The following DYNC2H1 variants were observed in gnomAD, a reference collection of about 807,000 sequenced individuals.
DYNC2H1 encodes the protein cytoplasmic dynein 2 heavy chain 1.
In DYNC2H1, 410 loss-of-function variants were observed where a neutral mutation model predicts 570.0. The observed-to-expected ratio is 0.72, with a 90% CI of 0.66 to 0.78. The LOEUF is 0.78. Among genes scored for constraint, DYNC2H1 ranks in the 30% least tolerant of loss-of-function variants. The pLI is 0.00. For synonymous variants in DYNC2H1, 1,688 were observed against 1,677.6 expected, an observed-to-expected ratio of 1.01 and a Z score of -0.15; for missense variants, 4,865 against 5,046.4, an observed-to-expected ratio of 0.96 and a Z score of 1.09.
At chr11:103,295,293 A>G (rs1866773439) in intron 75 of DYNC2H1, among the ~76,000 whole-genome samples, 1 of 152,174 alleles carries the variant, frequency 6.6e-6, no homozygotes, top group South Asian at 2.1e-4. Context: ...TCTGTCTGGT[A>G]ATGAGGAGGA....
At chr11:103,193,860 A>G (rs963962815) in intron 47 of DYNC2H1, among the ~76,000 whole-genome samples, 14 of 152,078 alleles carry the variant, frequency 9.2e-5, no homozygotes, top group Admixed American at 7.9e-4. Flanking sequence ...TTTCTTTTTT[A>G]AAAATACAGT....
chr11:103,341,564 A>G (rs941707338), intron 82 of DYNC2H1, among the ~76,000 whole-genome samples: 1 of 152,138 alleles, frequency 6.6e-6, no homozygotes, highest in African/African-American at 2.4e-5. Flanking sequence ...TCTGGAATCT[A>G]TATTTTTTTA....
At chr11:103,361,203 G>A (rs1341852509) in intron 83 of DYNC2H1, among the ~76,000 whole-genome samples, 1 of 152,116 alleles carries the variant, frequency 6.6e-6, no homozygotes, top group Non-Finnish European at 1.5e-5. Flanking sequence ...TTGTAGATGG[G>A]GTCTTTGGGA....
intron 22 of DYNC2H1, 29 bp downstream of exon 22, chr11:103,153,537 CTTATT>C: frequency 6.6e-7 from 1 of 1,511,848 alleles, no homozygotes; most frequent in Non-Finnish European, 8.9e-7. Context: ...ATTGATAGTG[CTTATT>C]TTGAAAAAAC....
chr11:103,409,640 G>A (rs1453009946), intron 84 of DYNC2H1: 1 of 153,416 alleles, frequency 6.5e-6, no homozygotes, highest in Admixed American at 6.5e-5. Context: ...AAATTAATTA[G>A]AGGATCTGGT....
chr11:103,455,436 T>G (rs1385798450), intron 86 of DYNC2H1, 141 bp downstream of exon 86: 1 of 679,846 alleles, frequency 1.5e-6, no homozygotes, highest in Non-Finnish European at 2.5e-6. Context: ...TATTCTCTAC[T>G]TTAAATCATA....
At chr11:103,339,518 GT>G (rs1003208973) in intron 82 of DYNC2H1, among the ~76,000 whole-genome samples, 2 of 152,260 alleles carry the variant, frequency 1.3e-5, no homozygotes, top group Admixed American at 6.5e-5. Context: ...TGTTTTTTGG[GT>G]TTTTGGATTT....
Position 103,358,327 on chromosome 11 carries a change from C to T in DYNC2H1, c.12124C>T (p.Pro4042Ser), listed in dbSNP as rs1305733734. The change falls in exon 83 of 89, where the codon CCT becomes TCT. Residue 4042 changes from proline (P) to serine (S), a missense_variant. By Grantham distance (74) the Pro-to-Ser change is moderately conservative (BLOSUM62 -1). This residue lies in a region of DYNC2H1 where 2,401 missense variants were observed against 2,454.6 expected (regional missense o/e 0.98). Transcript: ENST00000375735. ...DREIWSNELS[P>S]VLNLWKKLNQ... ...AGAAATCTGGTCTAATGAACTTTCT[C>T]CTGTCCTCAATCTCTGGAAGAAACT... 1.0e-5 allele frequency: 16 copies of T among 1,583,426 alleles called. No individual in the cohort carries two copies. Among genetic ancestry groups the T allele is most frequent in the Non-Finnish European group, 1.2e-5 (14 of 1,163,070 alleles).
chr11:103,354,045 C>T (rs991231012), intron 82 of DYNC2H1, among the ~76,000 whole-genome samples: 4 of 151,514 alleles, frequency 2.6e-5, no homozygotes, highest in Admixed American at 6.6e-5. Context: ...GGCATGGTGG[C>T]GCATGACTGT....
At chr11:103,380,972 G>T (rs774289692) in intron 83 of DYNC2H1, among the ~76,000 whole-genome samples, 7 of 152,146 alleles carry the variant, frequency 4.6e-5, no homozygotes, top group Admixed American at 6.5e-5. Context: ...GTTGGAAAGG[G>T]GTTAATATCA....
intron 83 of DYNC2H1, among the ~76,000 whole-genome samples, chr11:103,387,984 G>C (rs552807834): frequency 6.6e-6 from 1 of 152,256 alleles, no homozygotes; most frequent in East Asian, 1.9e-4. Flanking sequence ...TGGCAATGCA[G>C]GCTCTTTTTT....
intron 82 of DYNC2H1, among the ~76,000 whole-genome samples, chr11:103,351,478 C>T (rs1225400638): frequency 6.6e-6 from 1 of 152,100 alleles, no homozygotes; most frequent in South Asian, 2.1e-4. Flanking sequence ...CATCATTTAT[C>T]GAAGGCTATT....
intron 82 of DYNC2H1, among the ~76,000 whole-genome samples, chr11:103,345,072 T>C (rs1036967381): frequency 2.0e-5 from 3 of 152,216 alleles, no homozygotes; most frequent in Non-Finnish European, 4.4e-5. Flanking sequence ...CAAAAACATA[T>C]TGTTTTGCTT....
intron 17 of DYNC2H1, among the ~76,000 whole-genome samples, chr11:103,139,234 G>A (rs1472438115): frequency 6.6e-6 from 1 of 151,834 alleles, no homozygotes; most frequent in East Asian, 1.9e-4. Flanking sequence ...TCAGATTTTA[G>A]TTATTTCTTG....
At chr11:103,422,994 G>A (rs1943539376) in intron 84 of DYNC2H1, among the ~76,000 whole-genome samples, 2 of 151,824 alleles carry the variant, frequency 1.3e-5, no homozygotes, top group Non-Finnish European at 2.9e-5. Context: ...TGTAAGTATT[G>A]GCAATTTGAG....
intron 40 of DYNC2H1, among the ~76,000 whole-genome samples, chr11:103,184,378 C>T (rs1861980344): frequency 6.6e-6 from 1 of 151,916 alleles, no homozygotes; most frequent in African/African-American, 2.4e-5. Flanking sequence ...AACTCTCTGG[C>T]ACTTACCAGG....
At chr11:103,424,687 G>GT (rs1943605383) in intron 84 of DYNC2H1, among the ~76,000 whole-genome samples, 1 of 114,522 alleles carries the variant, frequency 8.7e-6, no homozygotes, top group African/African-American at 3.9e-5. Context: ...GCTGGCAAAT[G>GT]TTTAAAAACT....
At chr11:103,451,416 T>C (rs12226343) in intron 85 of DYNC2H1, among the ~76,000 whole-genome samples, 22,961 of 134,464 alleles carry the variant, frequency 0.17, 1,956 homozygotes, top group East Asian at 0.3. Context: ...CACTGCAACC[T>C]CCGCCTCCCA....
Position 103,472,506 on chromosome 11 carries a change from C to T in DYNC2H1, c.12765+3801C>T, listed in dbSNP as rs1220389743. ...ACACTGTGAGATACAATTATACTGG[C>T]GTCTCATAACAATCCTATGAGTTTG... On this transcript the variant is annotated intron_variant, in intron 88 of 88. Transcript: ENST00000375735. This position sits in a 1 kb window ranked among gnomAD's most constrained non-coding sequence, Gnocchi z 4.1. 1.3e-5 allele frequency among the ~76,000 whole-genome samples: 2 copies of T among 152,164 alleles called. No homozygotes were observed. The highest frequency in any genetic ancestry group is 2.1e-4 in the South Asian group (1 of 4,820).
Sources: gnomAD v4.1 joint callset for allele counts (sites outside exome capture counted in the v4.1 genomes callset) on GRCh38, gnomAD v4.1.1 for gene constraint, gnomAD v4.1.1 regional missense constraint, Gnocchi (gnomAD v3.1) non-coding constraint, MANE v1.5 for transcripts, NCBI Gene and HGNC (gene_info 2026-07-23, HGNC 2026-07-21) for gene names.